SEMA3E: variants seen among roughly 807,000 people sequenced by gnomAD.
SEMA3E encodes the protein semaphorin-3E.
A neutral mutation model predicts 93.6 loss-of-function variants in SEMA3E; 49 were observed. That is an observed-to-expected ratio of 0.52 (90% confidence interval 0.42 to 0.66). The LOEUF is 0.66. Among genes scored for constraint, SEMA3E ranks in the 30% least tolerant of loss-of-function variants. The pLI is 0.00. For synonymous variants in SEMA3E, 363 were observed against 330.7 expected, an observed-to-expected ratio of 1.10 and a Z score of -1.06; for missense variants, 906 against 964.8, an observed-to-expected ratio of 0.94 and a Z score of 0.81.
At chr7:83,621,633 A>G (rs1277369670) in intron 1 of SEMA3E, among the ~76,000 whole-genome samples, 1 of 152,222 alleles carries the variant, frequency 6.6e-6, no homozygotes, top group East Asian at 1.9e-4. Flanking sequence ...TGGTACTGGT[A>G]CAAAAACAGA....
chr7:83,640,348 A>C (rs965973904), intron 1 of SEMA3E, among the ~76,000 whole-genome samples: 3 of 152,170 alleles, frequency 2.0e-5, no homozygotes, highest in Non-Finnish European at 4.4e-5. Flanking sequence ...GGTTTACATC[A>C]ATAATATTTT....
chr7:83,616,746 C>T (rs527526527), intron 1 of SEMA3E: 74 of 443,950 alleles, frequency 1.7e-4, no homozygotes, highest in South Asian at 9.1e-4. Flanking sequence ...TTTTTTGAGA[C>T]GAAGTTTTGC....
At chr7:83,537,426 T>A (rs1445324300) in intron 1 of SEMA3E, among the ~76,000 whole-genome samples, 2 of 152,180 alleles carry the variant, frequency 1.3e-5, no homozygotes, top group East Asian at 3.9e-4. Flanking sequence ...CCTTTGGTAA[T>A]GTCTAGAGAC....
chr7:83,449,119 A>G (rs935509441), intron 4 of SEMA3E, among the ~76,000 whole-genome samples: 5 of 112,540 alleles, frequency 4.4e-5, no homozygotes, highest in Non-Finnish European at 1.0e-4. Flanking sequence ...TTTATTTATG[A>G]GACAGGTTCT....
At chr7:83,505,969 G>T (rs1045021572) in intron 1 of SEMA3E, among the ~76,000 whole-genome samples, 20 of 144,326 alleles carry the variant, frequency 1.4e-4, no homozygotes, top group South Asian at 8.7e-4. Flanking sequence ...GAGCTGAGAT[G>T]GCACCACTGC....
intron 1 of SEMA3E, among the ~76,000 whole-genome samples, chr7:83,603,127 C>G (rs1793032995): frequency 6.6e-6 from 1 of 152,080 alleles, no homozygotes; most frequent in South Asian, 2.1e-4. Flanking sequence ...TATTGTATTT[C>G]TTTATGATAT....
chr7:83,581,658 G>T (rs1007556241), intron 1 of SEMA3E, among the ~76,000 whole-genome samples: 2 of 151,872 alleles, frequency 1.3e-5, no homozygotes, highest in Non-Finnish European at 2.9e-5. Flanking sequence ...GGTATAAAAC[G>T]ACATCACATA....
At chr7:83,590,141 T>C (rs1792728152) in intron 1 of SEMA3E, among the ~76,000 whole-genome samples, 1 of 152,192 alleles carries the variant, frequency 6.6e-6, no homozygotes, top group Non-Finnish European at 1.5e-5. Flanking sequence ...TAACACATTT[T>C]CACTGTAAAA....
chr7:83,620,050 A>G (rs934922581), intron 1 of SEMA3E, among the ~76,000 whole-genome samples: 1 of 151,966 alleles, frequency 6.6e-6, no homozygotes, highest in Non-Finnish European at 1.5e-5. Flanking sequence ...TAAATGATCT[A>G]TTCTTTATTT....
At chr7:83,371,638 CT>C (rs1223842443) in intron 16 of SEMA3E, 1 of 152,100 alleles carries the variant, frequency 6.6e-6, no homozygotes, top group African/African-American at 2.4e-5. Context: ...AGATGTTTCA[CT>C]TTTAAGGGCA....
At position 83,490,292 on chromosome 7, in the gene SEMA3E, A is replaced by G. The variant is rs369849076; in HGVS notation, c.116-18T>C. ...CAAGAGCTCTGAAATGCAAAGTGAT[A>G]CATACACTAAGCACACGAGAAAATG... On this transcript the variant is annotated intron_variant, in intron 1 of 16. Transcript: ENST00000643230. 1.3e-5 allele frequency: 21 copies of G among 1,609,470 alleles called. No homozygotes were observed. Among genetic ancestry groups the G allele is most frequent in the Non-Finnish European group, 1.8e-5 (21 of 1,178,594 alleles).
rs369202554 is a variant in SEMA3E, at chr7:83,400,017, C to T, written c.1366+11G>A. The T allele has an allele frequency of 1.2e-4, 186 of 1,583,602 alleles. 1 individual carries two copies. The highest frequency in any genetic ancestry group is 2.2e-4 in the Admixed American group (13 of 59,958). Reference sequence around the variant, plus strand: ...ATTTAAATATCTCTGAGTACTTTCTCGTCTCTTTACCTGTCCCAATAAACA... The same window carrying T: ...ATTTAAATATCTCTGAGTACTTTCTTGTCTCTTTACCTGTCCCAATAAACA... On this transcript the variant is annotated intron_variant, in intron 11 of 16. Coordinates refer to ENST00000643230, the MANE Select transcript of SEMA3E (RefSeq NM_012431.3).
intron 4 of SEMA3E, among the ~76,000 whole-genome samples, chr7:83,451,880 C>T (rs540760596): frequency 1.3e-5 from 2 of 152,312 alleles, no homozygotes; most frequent in South Asian, 2.1e-4. Context: ...CAGTTTCTAA[C>T]GTCTGATCAA....
rs562290275 is a variant in SEMA3E, at chr7:83,389,413, G to A, written c.1668-2363C>T. Among the ~76,000 whole-genome samples the A allele has an allele frequency of 1.6e-5, 2 of 126,530 alleles. 1 individual carries two copies. Among genetic ancestry groups the A allele is most frequent in the Admixed American group, 1.6e-4 (2 of 12,148 alleles). The allele number at this position is 126,530 out of a possible 152,430, so 83.0% of individuals were successfully genotyped here. A position where few individuals can be genotyped will look rare whatever the true frequency, so the allele number is the denominator to read the frequency against. On this transcript the variant is annotated intron_variant, in intron 14 of 16. Coordinates refer to ENST00000643230, the MANE Select transcript of SEMA3E (RefSeq NM_012431.3). ...ATTATACAAGTGAGATGAGGATAAGGAAACTACAATCAAATAATTCTAGAT... is the reference window on the plus strand; with the variant it reads ...ATTATACAAGTGAGATGAGGATAAGAAAACTACAATCAAATAATTCTAGAT...
chr7:83,406,259 C>T (rs143293549), intron 7 of SEMA3E, among the ~76,000 whole-genome samples, 200 bp from the exon 8 acceptor site: 11 of 151,876 alleles, frequency 7.2e-5, no homozygotes, highest in Non-Finnish European at 1.0e-4. Context: ...CTTCATTCGG[C>T]CTTGTCAGTG....
chr7:83,444,020 GAC>G (rs1584252620), intron 4 of SEMA3E, among the ~76,000 whole-genome samples: 2 of 151,892 alleles, frequency 1.3e-5, no homozygotes. Context: ...AGTTAGAAAT[GAC>G]AGTCTCTTGA....
intron 4 of SEMA3E, among the ~76,000 whole-genome samples, chr7:83,429,668 T>C (rs991083891): frequency 8.5e-5 from 13 of 152,170 alleles, no homozygotes; most frequent in Admixed American, 7.9e-4. Flanking sequence ...GGCCCTTCAC[T>C]GTTTGCCCTC....
chr7:83,611,847 C>T (rs984301210), intron 1 of SEMA3E, among the ~76,000 whole-genome samples: 3 of 151,998 alleles, frequency 2.0e-5, no homozygotes, highest in Non-Finnish European at 2.9e-5. Context: ...AGAGTCAGAC[C>T]AAGTCATTCC....
intron 1 of SEMA3E, among the ~76,000 whole-genome samples, chr7:83,567,297 T>C (rs1012278021): frequency 3.9e-5 from 6 of 152,164 alleles, no homozygotes; most frequent in African/African-American, 1.4e-4. Flanking sequence ...TAGACTCTAA[T>C]ACAATAAACT....
Sources: allele counts gnomAD v4.1 joint callset (sites outside exome capture counted in the v4.1 genomes callset), GRCh38; gene constraint gnomAD v4.1.1; transcripts MANE v1.5; gene names NCBI Gene and HGNC (gene_info 2026-07-23, HGNC 2026-07-21).